The following SEMA3A variants were observed in gnomAD, a reference collection of about 807,000 sequenced individuals.
SEMA3A encodes the protein semaphorin 3A.
A neutral mutation model predicts 97.9 loss-of-function variants in SEMA3A; 29 were observed. The ratio of observed to expected loss-of-function variants is 0.30; its 90% confidence interval spans 0.22 to 0.40. SEMA3A has a LOEUF of 0.40. Ranked by LOEUF, SEMA3A falls within the 10% of genes least tolerant of loss-of-function variation. The pLI is 1.00. For synonymous variants in SEMA3A, 321 were observed against 323.7 expected (o/e 0.99, Z 0.09); for missense variants, 763 against 951.3 (o/e 0.80, Z 2.60).
chr7:84,188,458 T>G (rs1797948867), intron 1 of SEMA3A, among the ~76,000 whole-genome samples: 1 of 152,008 alleles, frequency 6.6e-6, no homozygotes, highest in Non-Finnish European at 1.5e-5. Flanking sequence ...TATGCTTAAT[T>G]AAGATAACAG....
intron 1 of SEMA3A, among the ~76,000 whole-genome samples, chr7:84,464,841 G>T (rs1167090492): frequency 6.6e-6 from 1 of 151,990 alleles, no homozygotes; most frequent in South Asian, 2.1e-4. Context: ...TAATATAGTC[G>T]GTATCTTTTT....
intron 5 of SEMA3A, among the ~76,000 whole-genome samples, chr7:84,052,629 C>T (rs191142650): frequency 0.071 from 10,848 of 151,806 alleles, 1,243 homozygotes; most frequent in African/African-American, 0.24. Flanking sequence ...TTGCTAGCGG[C>T]CTATCAATTT....
chr7:84,384,091 A>G (rs1803339032), intron 1 of SEMA3A, among the ~76,000 whole-genome samples: 1 of 152,192 alleles, frequency 6.6e-6, no homozygotes. Flanking sequence ...AGAGGGACAC[A>G]TGAAAGTTAA....
chr7:84,016,008 T>C (rs1024159229), intron 6 of SEMA3A, among the ~76,000 whole-genome samples: 1 of 152,118 alleles, frequency 6.6e-6, no homozygotes, highest in African/African-American at 2.4e-5. Flanking sequence ...CTAACCTGGA[T>C]AACTGTTGCA....
intron 3 of SEMA3A, among the ~76,000 whole-genome samples, chr7:84,263,261 C>A (rs1460651253): frequency 6.6e-6 from 1 of 152,004 alleles, no homozygotes; most frequent in African/African-American, 2.4e-5. Flanking sequence ...GACAAAGAGC[C>A]GGCATGTGTA....
At chr7:84,247,788 G>A (rs1262022835) in intron 3 of SEMA3A, among the ~76,000 whole-genome samples, 2 of 152,168 alleles carry the variant, frequency 1.3e-5, no homozygotes, top group Non-Finnish European at 2.9e-5. Flanking sequence ...AGAAGGGTGT[G>A]TGAGAGTACT....
At chr7:84,047,434 G>C (rs910977363) in intron 5 of SEMA3A, among the ~76,000 whole-genome samples, 39 of 152,040 alleles carry the variant, frequency 2.6e-4, no homozygotes, top group African/African-American at 8.2e-4. Context: ...GAAATTCAAG[G>C]TTGCTCAGCT....
chr7:84,474,678 G>A (rs1651611623), intron 1 of SEMA3A, among the ~76,000 whole-genome samples: 1 of 152,010 alleles, frequency 6.6e-6, no homozygotes, highest in African/African-American at 2.4e-5. Flanking sequence ...AGAGTGTGAG[G>A]CACATCATAA....
chr7:83,985,289 A>G, intron 13 of SEMA3A, 147 bp downstream of exon 13: 2 of 579,960 alleles, frequency 3.4e-6, no homozygotes, highest in Non-Finnish European at 6.0e-6. Context: ...CTAATCTACT[A>G]GCTTATTGTA....
Position 84,442,113 on chromosome 7 carries a change from T to C in SEMA3A, c.-246+50347A>G, listed in dbSNP as rs1049060797. 1.2e-4 allele frequency among the ~76,000 whole-genome samples: 18 copies of C among 152,304 alleles called. 1 individual carries two copies. The Middle Eastern group carries it at 0.01, about 86-fold the overall frequency. ...GCAATTATAAAATATAGTATTGTAG[T>C]GATGGTGTGTAACTCCACTTTTAGT... On this transcript the variant is annotated intron_variant, in intron 1 of 3. Coordinates refer to the SEMA3A transcript ENST00000424555.
At chr7:84,267,890 G>A (rs912385393) in intron 3 of SEMA3A, among the ~76,000 whole-genome samples, 1 of 152,002 alleles carries the variant, frequency 6.6e-6, no homozygotes. Context: ...ATTTATAAAT[G>A]CTTGCTTGTA....
chr7:84,272,096 G>A (rs746529683), intron 3 of SEMA3A, among the ~76,000 whole-genome samples: 1 of 151,860 alleles, frequency 6.6e-6, no homozygotes, highest in Non-Finnish European at 1.5e-5. Flanking sequence ...CATACTTGAT[G>A]TAATCAATGG....
At chr7:84,206,320 A>AT (rs532227830) in intron 3 of SEMA3A, among the ~76,000 whole-genome samples, 9,851 of 130,342 alleles carry the variant, frequency 0.076, 523 homozygotes, top group East Asian at 0.17. Context: ...CCAAGATGGC[A>AT]TTTTTTTTTT....
intron 1 of SEMA3A, among the ~76,000 whole-genome samples, chr7:84,450,409 C>T: frequency 6.6e-6 from 1 of 152,146 alleles, no homozygotes; most frequent in East Asian, 1.9e-4. Context: ...TGGGCTGTGT[C>T]CTTATTCCTC....
intron 1 of SEMA3A, among the ~76,000 whole-genome samples, chr7:84,442,614 A>G (rs985461219): frequency 2.6e-5 from 4 of 151,650 alleles, no homozygotes; most frequent in Non-Finnish European, 5.9e-5. Flanking sequence ...ATCTTTCCTT[A>G]CCGGTAATTA....
Position 84,098,757 on chromosome 7 carries a change from A to G in SEMA3A, c.453+11713T>C, listed in dbSNP as rs372708758. 6.6e-5 allele frequency among the ~76,000 whole-genome samples: 10 copies of G among 152,238 alleles called. No individual in the cohort carries two copies. In the East Asian group the frequency reaches 1.4e-3, roughly 21 times the overall value. ...TCATATAGCATAATCTCAATGGGGT[A>G]TAATATTGATGCCATTAGAAAGGCC... On this transcript the variant is annotated intron_variant, in intron 4 of 16. Transcript: ENST00000265362.
intron 3 of SEMA3A, among the ~76,000 whole-genome samples, chr7:84,201,200 T>C (rs1354901116): frequency 6.6e-6 from 1 of 152,114 alleles, no homozygotes; most frequent in Non-Finnish European, 1.5e-5. Context: ...GTAAGTTTAT[T>C]ACAATCTCTA....
intron 1 of SEMA3A, among the ~76,000 whole-genome samples, chr7:84,456,395 A>G (rs555413744): frequency 3.3e-5 from 5 of 151,950 alleles, no homozygotes; most frequent in African/African-American, 1.2e-4. Flanking sequence ...TAAAGGAGTC[A>G]TTCATCAATT....
chr7:84,066,796 T>C (rs553418169), intron 4 of SEMA3A, among the ~76,000 whole-genome samples: 2 of 152,180 alleles, frequency 1.3e-5, no homozygotes, highest in South Asian at 2.1e-4. Context: ...CGAAGAACAT[T>C]CCATGCTCAT....
Sources: gnomAD v4.1 joint callset for allele counts (sites outside exome capture counted in the v4.1 genomes callset) on GRCh38, gnomAD v4.1.1 for gene constraint, MANE v1.5 for transcripts, NCBI Gene and HGNC (gene_info 2026-07-23, HGNC 2026-07-21) for gene names.